GINS1: variants seen among roughly 807,000 people sequenced by gnomAD.
GINS1 encodes DNA replication complex GINS protein PSF1.
GINS1 carries 26 observed loss-of-function variants against 34.9 expected under a neutral mutation model. The observed-to-expected ratio is 0.74, with a 90% CI of 0.55 to 1.03. GINS1 has a LOEUF of 1.03. Ranked by LOEUF, GINS1 falls within the 50% of genes least tolerant of loss-of-function variation. The pLI is 0.00. For synonymous variants in GINS1, 97 were observed against 84.4 expected (o/e 1.15, Z -0.82); for missense variants, 235 against 237.9 (o/e 0.99, Z 0.08).
intron 4 of GINS1, among the ~76,000 whole-genome samples, chr20:25,421,831 T>C (rs1157637370): frequency 6.6e-6 from 1 of 152,168 alleles, no homozygotes; most frequent in African/African-American, 2.4e-5. Flanking sequence ...TTCCACTTCA[T>C]CTTCTCTTTG....
intron 5 of GINS1, among the ~76,000 whole-genome samples, chr20:25,430,504 A>T (rs1050115092): frequency 6.6e-6 from 1 of 152,048 alleles, no homozygotes; most frequent in Non-Finnish European, 1.5e-5. Context: ...GCTGAATTTG[A>T]TTTGATACTA....
chr20:25,447,309 T>C lies in GINS1; in HGVS notation c.*1318T>C, dbSNP rs1005914642. ...CCTTGGCCTCCCAAAGTTTTGGGAT[T>C]ACAAGTGTGGGCCACCGCGGCCAGC... On this transcript the variant is annotated 3_prime_UTR_variant, in exon 7 of 7. Transcript: ENST00000262460. 2.0e-5 allele frequency: 3 copies of C among 152,188 alleles called. No homozygotes were observed. Among genetic ancestry groups the C allele is most frequent in the African/African-American group, 7.2e-5 (3 of 41,456 alleles). 9.4% of individuals were successfully genotyped at this position (152,188 alleles called of 1,614,324 possible). A position where few individuals can be genotyped will look rare whatever the true frequency, so the allele number is the denominator to read the frequency against.
At chr20:25,416,944 A>G (rs1299595757) in intron 2 of GINS1, among the ~76,000 whole-genome samples, 160 bp from the exon 3 acceptor site, 1 of 152,242 alleles carries the variant, frequency 6.6e-6, no homozygotes, top group Non-Finnish European at 1.5e-5. Flanking sequence ...TTAACATATT[A>G]ATAAAAGCTC....
chr20:25,407,932 G>A (rs765753425), intron 1 of GINS1, 37 bp downstream of exon 1: 1 of 1,505,620 alleles, frequency 6.6e-7, no homozygotes, highest in Non-Finnish European at 9.2e-7. Flanking sequence ...GCATGCCGGC[G>A]TTGGGCCCTG....
chr20:25,434,364 A>G (rs1036923396), intron 5 of GINS1, among the ~76,000 whole-genome samples: 1 of 152,116 alleles, frequency 6.6e-6, no homozygotes, highest in East Asian at 1.9e-4. Flanking sequence ...AGAATTTTCC[A>G]TGTATTCACT....
chr20:25,443,359 A>G (rs903236675), intron 6 of GINS1, among the ~76,000 whole-genome samples: 2 of 152,202 alleles, frequency 1.3e-5, no homozygotes, highest in African/African-American at 4.8e-5. Context: ...ATAAGCAGCT[A>G]TATTTCTGGA....
Position 25,425,261 on chromosome 20 carries a change from A to G in GINS1, c.381A>G (p.Ser127=). The change falls in exon 5 of 7, where the codon TCA becomes TCG. Residue 127 remains serine (S), a synonymous_variant. Coordinates refer to ENST00000262460, the MANE Select transcript of GINS1 (RefSeq NM_021067.5). ...GATCTCTTGCTACTTATATGAGGTC[A>G]CTGGGAGGAGATGAAGGTTTGGACA... ...YKRSLATYMR[S]LGGDEGLDIT... is the part of the protein sequence containing the mutation. The G allele has an allele frequency of 1.3e-6, 2 of 1,573,370 alleles. No individual in the cohort carries two copies. The highest frequency in any genetic ancestry group is 1.7e-6 in the Non-Finnish European group (2 of 1,143,240).
intron 5 of GINS1, among the ~76,000 whole-genome samples, chr20:25,436,072 G>T (rs2090453737): frequency 1.3e-5 from 2 of 151,240 alleles, no homozygotes; most frequent in South Asian, 4.2e-4. Context: ...TCTCACCTTG[G>T]CCTCCCAAAG....
intron 5 of GINS1, among the ~76,000 whole-genome samples, chr20:25,426,632 T>G (rs554431706): frequency 1.3e-5 from 2 of 151,752 alleles, no homozygotes; most frequent in South Asian, 4.2e-4. Context: ...TTCAAGTGAT[T>G]CTCTGGCCTC....
intron 6 of GINS1, 123 bp downstream of exon 6, chr20:25,441,899 T>C: frequency 1.7e-6 from 1 of 597,456 alleles, no homozygotes; most frequent in Non-Finnish European, 3.0e-6. Flanking sequence ...TATCTTTTAG[T>C]ATAATATACC....
chr20:25,428,722 A>G (rs758573388), intron 5 of GINS1, among the ~76,000 whole-genome samples: 1 of 151,874 alleles, frequency 6.6e-6, no homozygotes, highest in Non-Finnish European at 1.5e-5. Context: ...TAATTTCTTA[A>G]TAAGACTGCC....
chr20:25,417,264 T>TG, intron 3 of GINS1, 62 bp downstream of exon 3: 2 of 783,282 alleles, frequency 2.6e-6, no homozygotes, highest in Non-Finnish European at 4.6e-6. Context: ...CAGTTGACCA[T>TG]CTCAAATGGG....
chr20:25,429,134 G>A (rs1371573816), intron 5 of GINS1, among the ~76,000 whole-genome samples: 10 of 151,690 alleles, frequency 6.6e-5, no homozygotes, highest in East Asian at 1.9e-4. Flanking sequence ...GACTAAAGGC[G>A]CCTACCACCA....
chr20:25,419,783 C>T (rs2090343723), intron 4 of GINS1: 6 of 218,354 alleles, frequency 2.7e-5, no homozygotes, highest in South Asian at 2.7e-4. Flanking sequence ...CTGCCTCAGC[C>T]TGCCAAGTAG....
At chr20:25,412,190 C>T (rs1406386608) in intron 1 of GINS1, among the ~76,000 whole-genome samples, 1 of 152,104 alleles carries the variant, frequency 6.6e-6, no homozygotes, top group African/African-American at 2.4e-5. Context: ...AGAAAAACTC[C>T]TATGGCCGGT....
chr20:25,414,407 C>A (rs1196517128), intron 2 of GINS1, among the ~76,000 whole-genome samples: 1 of 151,780 alleles, frequency 6.6e-6, no homozygotes, highest in Non-Finnish European at 1.5e-5. Flanking sequence ...AATGACATAC[C>A]CTAAAATAAA....
chr20:25,440,832 A>AG (rs2090478403), intron 5 of GINS1, among the ~76,000 whole-genome samples: 1 of 147,538 alleles, frequency 6.8e-6, no homozygotes, highest in Admixed American at 6.7e-5. Context: ...AAAAAAAAAA[A>AG]GAAAGAAAAA....
intron 1 of GINS1, chr20:25,411,266 C>T (rs1227934899): frequency 2.6e-5 from 4 of 152,032 alleles, no homozygotes; most frequent in Admixed American, 2.6e-4. Context: ...CAGACTGAAT[C>T]CCTGTCTCAA....
chr20:25,424,991 C>G (rs1206019857), intron 4 of GINS1, among the ~76,000 whole-genome samples: 1 of 152,156 alleles, frequency 6.6e-6, no homozygotes, highest in East Asian at 1.9e-4. Flanking sequence ...GAAATGTAAG[C>G]TCTCTGAGAA....
Sources: allele counts gnomAD v4.1 joint callset (sites outside exome capture counted in the v4.1 genomes callset), GRCh38; gene constraint gnomAD v4.1.1; transcripts MANE v1.5; gene names NCBI Gene and HGNC (gene_info 2026-07-23, HGNC 2026-07-21).